The following ABL1 variants were observed in gnomAD, a reference collection of about 807,000 sequenced individuals.
ABL1 encodes the protein tyrosine-protein kinase ABL1.
ABL1 carries 11 observed loss-of-function variants against 94.7 expected under a neutral mutation model. The observed-to-expected ratio is 0.12, with a 90% CI of 0.07 to 0.19. The LOEUF (loss-of-function observed/expected upper bound fraction) is 0.19, where lower values mean the gene tolerates loss of function less well. Ranked by LOEUF, ABL1 falls within the 10% of genes least tolerant of loss-of-function variation. ABL1 has a pLI of 1.00. For synonymous variants in ABL1, 656 were observed against 622.4 expected (o/e 1.05, Z -0.80); for missense variants, 1,082 against 1,489.4 (o/e 0.73, Z 4.50).
chr9:130,876,733 C>CTTTTTTTTTTTTTTTTTT (rs755840936), intron 7 of ABL1, among the ~76,000 whole-genome samples: 2 of 83,194 alleles, frequency 2.4e-5, no homozygotes, highest in African/African-American at 5.2e-5. Flanking sequence ...AAGTTGGTTT[C>CTTTTTTTTTTTTTTTTTT]TTTTTTTTTT....
intron 1 of ABL1, among the ~76,000 whole-genome samples, chr9:130,817,429 A>G (rs1480168593): frequency 6.6e-6 from 1 of 151,826 alleles, no homozygotes; most frequent in East Asian, 1.9e-4. Context: ...CTTTCTCAGC[A>G]CTCCACAAGT....
rs151176526 is a variant in ABL1 at position 130,885,122 on chromosome 9, C to G, written c.2832C>G (p.Asp944Glu). 1.2e-6 allele frequency: 2 copies of G among 1,612,330 alleles called. No individual in the cohort carries two copies. Among genetic ancestry groups the G allele is most frequent in the Admixed American group, 1.7e-5 (1 of 59,950 alleles). ...ATSLVDAVNS[D>E]AAKPSQPGEG... ...GTCTGGTTGATGCTGTGAACAGTGA[C>G]GCTGCCAAGCCCAGCCAGCCGGGAG... Residue 944 changes from aspartate (D) to glutamate (E), a missense_variant, in exon 11 of 11, where the codon GAC becomes GAG. Physicochemically the swap from Asp to Glu is conservative, Grantham distance 45. Transcript: ENST00000318560.
intron 1 of ABL1, among the ~76,000 whole-genome samples, chr9:130,736,633 A>T (rs7868645): frequency 0.32 from 48,820 of 151,684 alleles, 11,482 homozygotes; most frequent in African/African-American, 0.64. Context: ...CTGGGATTAC[A>T]GGCATGTGCC....
At chr9:130,811,217 A>T (rs922413592) in intron 1 of ABL1, among the ~76,000 whole-genome samples, 5 of 152,212 alleles carry the variant, frequency 3.3e-5, no homozygotes, top group African/African-American at 9.6e-5. Context: ...AGCCACCAGG[A>T]GTCCCAGGCT....
rs1284019009 is a variant in ABL1, at chr9:130,835,670, TCTTCTCTTCA to T, written c.79+146_79+155del. On this transcript the variant is annotated intron_variant, in intron 1 of 10. Transcript: ENST00000318560. The surrounding 1 kb of genome is among the most constrained non-coding windows in gnomAD (Gnocchi z 4.6). The stretch of plus-strand genomic sequence containing the variant: ...TTTTTCTTTCTTCCCTCTTCTCTTC[TCTTCTCTTCA>T]GTTCTCTTATATTCTGTCTCTCTTT... The T allele has an allele frequency of 3.5e-6, 2 of 575,138 alleles. No homozygotes were observed. The highest frequency in any genetic ancestry group is 2.0e-5 in the South Asian group (1 of 48,900). The allele number at this position is 575,138 out of a possible 1,614,324, so 35.6% of individuals were successfully genotyped here.
chr9:130,872,015 C>A lies in ABL1; in HGVS notation c.823-114C>A, dbSNP rs1048664075. 1.2e-6 allele frequency: 1 copy of A among 841,252 alleles called. No homozygotes were observed. The highest frequency in any genetic ancestry group is 1.9e-6 in the Non-Finnish European group (1 of 532,846). 52.1% of individuals were successfully genotyped at this position (841,252 alleles called of 1,614,324 possible). On this transcript the variant is annotated intron_variant, in intron 4 of 10. Coordinates refer to ENST00000318560, the MANE Select transcript of ABL1 (RefSeq NM_005157.6). The surrounding 1 kb of genome is among the most constrained non-coding windows in gnomAD (Gnocchi z 5.0). The stretch of plus-strand genomic sequence containing the variant: ...CTGCAGCAATGTGGCTGTCACAAAA[C>A]GCAGCCCAGGACGAGTATGCGCTGA...
rs78887895 is a variant in ABL1 at position 130,850,086 on chromosome 9, C to G, written c.80-3978C>G. Among the ~76,000 whole-genome samples, 689 of 152,266 alleles carry G rather than the reference C, an allele frequency of 4.5e-3. 6 individuals carry two copies. Among genetic ancestry groups the G allele is most frequent in the African/African-American group, 0.016 (677 of 41,550 alleles). On this transcript the variant is annotated intron_variant, in intron 1 of 10. Coordinates refer to ENST00000318560, the MANE Select transcript of ABL1 (RefSeq NM_005157.6). The stretch of plus-strand genomic sequence containing the variant: ...CCCCATGGCACATGGGATGGGGTAG[C>G]CACACTACCACTGTCTGCTGCTGCA...
chr9:130,756,842 T>G (rs1043566917), intron 1 of ABL1, among the ~76,000 whole-genome samples: 1 of 152,138 alleles, frequency 6.6e-6, no homozygotes, highest in Non-Finnish European at 1.5e-5. Flanking sequence ...TGAGGGTGTT[T>G]TAAAAGAAAA....
At chr9:130,857,851 G>A (rs73557805) in intron 3 of ABL1, among the ~76,000 whole-genome samples, 3,378 of 152,186 alleles carry the variant, frequency 0.022, 132 homozygotes, top group African/African-American at 0.075. Context: ...GTGACTAGAC[G>A]TGGGCCTGTC....
chr9:130,744,029 T>A lies in ABL1; in HGVS notation c.136+29574T>A, dbSNP rs140139160. On this transcript the variant is annotated intron_variant, in intron 1 of 10. Transcript: ENST00000372348. ...TGCTGCATACAAATATTCAAACATTTTATCTTTAAAACAAATTTTAGTACT... is the reference window on the plus strand; with the variant it reads ...TGCTGCATACAAATATTCAAACATTATATCTTTAAAACAAATTTTAGTACT... 5.2e-3 allele frequency among the ~76,000 whole-genome samples: 793 copies of A among 152,290 alleles called. 8 individuals are homozygous for A. The highest frequency in any genetic ancestry group is 0.018 in the African/African-American group (759 of 41,554).
chr9:130,758,285 C>T (rs1254464080), intron 1 of ABL1, among the ~76,000 whole-genome samples: 1 of 152,018 alleles, frequency 6.6e-6, no homozygotes. Context: ...CTCAGCCTCC[C>T]GAGTAGCTGG....
intron 7 of ABL1, 38 bp downstream of exon 7, chr9:130,875,090 C>G (rs1400316483): frequency 2.5e-6 from 4 of 1,575,580 alleles, no homozygotes; most frequent in Non-Finnish European, 3.5e-6. Context: ...TCCTTCCTGA[C>G]TACAGGAGGG....
chr9:130,795,509 T>C (rs1333643190), intron 1 of ABL1, among the ~76,000 whole-genome samples: 1 of 152,208 alleles, frequency 6.6e-6, no homozygotes, highest in Non-Finnish European at 1.5e-5. Context: ...GATATATTGA[T>C]GATTGTATTC....
chr9:130,872,315 G>C lies in ABL1; in HGVS notation c.907+102G>C. On this transcript the variant is annotated intron_variant, in intron 5 of 10. Transcript: ENST00000318560. The surrounding 1 kb of genome is among the most constrained non-coding windows in gnomAD (Gnocchi z 5.0). ...CGGGCGGCTCACTGCACAAAACCTC[G>C]TTGGAATATTTGTGCTCTGCCGACG... 2 of 1,090,482 alleles carry C rather than the reference G, an allele frequency of 1.8e-6. No individual in the cohort carries two copies. The highest frequency in any genetic ancestry group is 1.3e-6 in the Non-Finnish European group (1 of 744,634). The allele number at this position is 1,090,482 out of a possible 1,614,324, so 67.6% of individuals were successfully genotyped here. A position where few individuals can be genotyped will look rare whatever the true frequency, so the allele number is the denominator to read the frequency against.
At chr9:130,823,865 G>A (rs1474126284) in intron 1 of ABL1, among the ~76,000 whole-genome samples, 1 of 152,226 alleles carries the variant, frequency 6.6e-6, no homozygotes, top group Non-Finnish European at 1.5e-5. Context: ...TCGAGAGCCA[G>A]TGTTGGGATT....
chr9:130,823,880 G>T (rs1830394250), intron 1 of ABL1, among the ~76,000 whole-genome samples: 1 of 152,070 alleles, frequency 6.6e-6, no homozygotes, highest in African/African-American at 2.4e-5. Context: ...GGGATTGCAG[G>T]GTCCTGTGTG....
chr9:130,786,456 G>T (rs1161624030), intron 1 of ABL1, among the ~76,000 whole-genome samples: 1 of 152,172 alleles, frequency 6.6e-6, no homozygotes, highest in Non-Finnish European at 1.5e-5. Flanking sequence ...AACACAGAAC[G>T]CTCTCTTAGC....
chr9:130,750,195 A>ATATT (rs1831939183), intron 1 of ABL1, among the ~76,000 whole-genome samples: 1 of 6,464 alleles, frequency 1.5e-4, no homozygotes, highest in Non-Finnish European at 2.5e-4. Flanking sequence ...AAAAATACAT[A>ATATT]TATATATATA....
intron 1 of ABL1, among the ~76,000 whole-genome samples, chr9:130,751,102 C>G (rs989448736): frequency 7.8e-6 from 1 of 128,606 alleles, no homozygotes; most frequent in African/African-American, 3.0e-5. Context: ...TGTACATGTC[C>G]TTTTGAAACT....
Sources: gnomAD v4.1 joint callset for allele counts (sites outside exome capture counted in the v4.1 genomes callset) on GRCh38, gnomAD v4.1.1 for gene constraint, Gnocchi (gnomAD v3.1) non-coding constraint, MANE v1.5 for transcripts, NCBI Gene and HGNC (gene_info 2026-07-23, HGNC 2026-07-21) for gene names.